Variants in SDC2 observed in about 807,000 individuals in gnomAD.
SDC2 encodes the protein syndecan-2.
SDC2 carries 13 observed loss-of-function variants against 22.2 expected under a neutral mutation model. The ratio of observed to expected loss-of-function variants is 0.59; its 90% CI spans 0.38 to 0.93. The LOEUF (loss-of-function observed/expected upper bound fraction) is 0.93. Ranked by LOEUF, SDC2 falls within the 40% of genes least tolerant of loss-of-function variation. SDC2 has a pLI of 0.00. For synonymous variants in SDC2, 94 were observed against 92.8 expected, an observed-to-expected ratio of 1.01 and a Z score of -0.07; for missense variants, 235 against 246.8, an observed-to-expected ratio of 0.95 and a Z score of 0.32.
At chr8:96,556,220 A>G (rs1224200409) in intron 1 of SDC2, among the ~76,000 whole-genome samples, 1 of 152,146 alleles carries the variant, frequency 6.6e-6, no homozygotes, top group Non-Finnish European at 1.5e-5. Flanking sequence ...GAAGTTAGCT[A>G]TGTATTAGCC....
intron 2 of SDC2, among the ~76,000 whole-genome samples, chr8:96,595,628 G>A (rs1054254498): frequency 1.3e-5 from 2 of 152,066 alleles, no homozygotes; most frequent in Non-Finnish European, 2.9e-5. Context: ...AGAGTTGTTA[G>A]TGGGGTGTAC....
chr8:96,560,116 C>G (rs1014358398), intron 1 of SDC2, among the ~76,000 whole-genome samples: 9 of 152,232 alleles, frequency 5.9e-5, no homozygotes, highest in African/African-American at 1.9e-4. Context: ...AAACCTGTGT[C>G]CATTAGCAGT....
chr8:96,506,725 T>C (rs558184119), intron 1 of SDC2, among the ~76,000 whole-genome samples: 1 of 152,200 alleles, frequency 6.6e-6, no homozygotes, highest in East Asian at 1.9e-4. Flanking sequence ...CAAATAGCCT[T>C]AGCTGGCCGG....
chr8:96,608,271 A>T, intron 3 of SDC2, 64 bp from the exon 4 acceptor site: 1 of 1,533,076 alleles, frequency 6.5e-7, no homozygotes, highest in African/African-American at 1.4e-5. Context: ...ATACTCATCT[A>T]TTATTTCTTC....
intron 1 of SDC2, among the ~76,000 whole-genome samples, chr8:96,571,882 G>A (rs892106104): frequency 1.4e-4 from 21 of 152,324 alleles, no homozygotes; most frequent in African/African-American, 4.8e-4. Flanking sequence ...TTTGGATCCT[G>A]GCGCTGTGAA....
chr8:96,591,212 C>T (rs751171456), intron 1 of SDC2, among the ~76,000 whole-genome samples: 3 of 151,978 alleles, frequency 2.0e-5, no homozygotes, highest in African/African-American at 7.3e-5. Context: ...ATTGACAGAG[C>T]CAAGAGGAAA....
At position 96,593,660 on chromosome 8, in the gene SDC2, T is replaced by C. The variant is rs183495161; in HGVS notation, c.172+69T>C. ...TGCACGCACACACATTTTACTGTGC[T>C]TACTTCAAGGAGACAGGCAGGATGC... On this transcript the variant is annotated intron_variant, in intron 2 of 4. Transcript: ENST00000302190. 1.1e-4 allele frequency: 113 copies of C among 1,017,020 alleles called. No individual in the cohort carries two copies. The African/African-American group carries it at 1.5e-3, about 14-fold the overall frequency. The allele number at this position is 1,017,020 out of a possible 1,614,324, so 63.0% of individuals were successfully genotyped here.
chr8:96,496,471 C>T (rs1813076560), intron 1 of SDC2, among the ~76,000 whole-genome samples: 1 of 152,290 alleles, frequency 6.6e-6, no homozygotes, highest in East Asian at 1.9e-4. Flanking sequence ...GGCAGTGAGT[C>T]AGTCTTTCTA....
intron 1 of SDC2, chr8:96,538,811 G>C (rs1029211346): frequency 1.3e-5 from 2 of 151,380 alleles, no homozygotes; most frequent in Non-Finnish European, 2.9e-5. Context: ...AGACCAAACA[G>C]CTGGCTGGGT....
chr8:96,575,352 A>C (rs1052750454), intron 1 of SDC2, among the ~76,000 whole-genome samples: 1 of 124,168 alleles, frequency 8.1e-6, no homozygotes, highest in African/African-American at 3.0e-5. Flanking sequence ...TGTAATTGCA[A>C]ACCTGCGGGG....
intron 1 of SDC2, among the ~76,000 whole-genome samples, chr8:96,522,022 C>A: frequency 6.6e-6 from 1 of 152,244 alleles, no homozygotes; most frequent in South Asian, 2.1e-4. Flanking sequence ...TGAGTGTGAG[C>A]TGAGTGTGTG....
chr8:96,543,798 T>C (rs982697588), intron 1 of SDC2, among the ~76,000 whole-genome samples: 1 of 152,176 alleles, frequency 6.6e-6, no homozygotes, highest in African/African-American at 2.4e-5. Context: ...TGTATATGAG[T>C]GTGTATTATA....
intron 1 of SDC2, among the ~76,000 whole-genome samples, chr8:96,556,224 A>G (rs1047743111): frequency 1.5e-4 from 23 of 152,164 alleles, no homozygotes; most frequent in Admixed American, 9.8e-4. Context: ...TTAGCTATGT[A>G]TTAGCCTTAG....
intron 1 of SDC2, among the ~76,000 whole-genome samples, chr8:96,565,234 G>A (rs1234046793): frequency 6.6e-6 from 1 of 150,792 alleles, no homozygotes; most frequent in East Asian, 2.0e-4. Flanking sequence ...ACAGGCGTGC[G>A]CCACCACACC....
intron 1 of SDC2, among the ~76,000 whole-genome samples, chr8:96,516,380 C>T (rs923722712): frequency 5.3e-5 from 8 of 152,082 alleles, no homozygotes; most frequent in Admixed American, 4.6e-4. Context: ...ATATTTTATG[C>T]TACTTAGAGT....
chr8:96,555,490 A>G (rs867084450), intron 1 of SDC2, among the ~76,000 whole-genome samples: 1 of 152,298 alleles, frequency 6.6e-6, no homozygotes, highest in Middle Eastern at 3.4e-3. Flanking sequence ...TCATGTTTAC[A>G]GAGCATCAAG....
At chr8:96,563,623 T>G (rs1563663038) in intron 1 of SDC2, among the ~76,000 whole-genome samples, 1 of 152,130 alleles carries the variant, frequency 6.6e-6, no homozygotes, top group Non-Finnish European at 1.5e-5. Flanking sequence ...GCCTGAGAAT[T>G]TGAGATGCTG....
At chr8:96,498,789 C>T (rs1440217169) in intron 1 of SDC2, among the ~76,000 whole-genome samples, 2 of 152,060 alleles carry the variant, frequency 1.3e-5, no homozygotes, top group Non-Finnish European at 1.5e-5. Context: ...TATGCCTGGC[C>T]ATTGGTCTCT....
chr8:96,520,181 A>G (rs1258361689), intron 1 of SDC2, among the ~76,000 whole-genome samples: 2 of 152,330 alleles, frequency 1.3e-5, no homozygotes, highest in South Asian at 4.1e-4. Flanking sequence ...TATTGTAAAA[A>G]GCTCTCTTGA....
Sources: gnomAD v4.1 joint callset for allele counts (sites outside exome capture counted in the v4.1 genomes callset) on GRCh38, gnomAD v4.1.1 for gene constraint, MANE v1.5 for transcripts, NCBI Gene and HGNC (gene_info 2026-07-23, HGNC 2026-07-21) for gene names.